The following SGCD variants were observed in gnomAD, a reference collection of about 807,000 sequenced individuals.
SGCD encodes the protein sarcoglycan delta, also known as delta-sarcoglycan.
Under a neutral mutation model 36.6 loss-of-function variants are expected in SGCD, and 18 were observed. The observed-to-expected ratio is 0.49, with a 90% CI of 0.34 to 0.73. The LOEUF (loss-of-function observed/expected upper bound fraction) is 0.73, where lower values mean the gene tolerates loss of function less well. Among genes scored for constraint, SGCD ranks in the 30% least tolerant of loss-of-function variants. SGCD has a pLI of 0.01. For missense variants in SGCD, 387 were observed against 346.7 expected, an observed-to-expected ratio of 1.12 and a Z score of -0.92; for synonymous variants, 133 against 130.6, an observed-to-expected ratio of 1.02 and a Z score of -0.12.
At chr5:155,852,589 T>C in the SGCD span, among the ~76,000 whole-genome samples, 1 of 152,122 alleles carries the variant, frequency 6.6e-6, no homozygotes, top group Non-Finnish European at 1.5e-5. Flanking sequence ...TGGAACAAAT[T>C]TGAATATGAA....
intron 1 of SGCD, among the ~76,000 whole-genome samples, chr5:155,960,142 C>G (rs1757762019): frequency 6.6e-6 from 1 of 152,026 alleles, no homozygotes; most frequent in South Asian, 2.1e-4. Flanking sequence ...TCTCCCTCCC[C>G]TTCCATCTTC....
the SGCD span, among the ~76,000 whole-genome samples, chr5:155,850,930 G>T: frequency 6.6e-6 from 1 of 152,160 alleles, no homozygotes; most frequent in Non-Finnish European, 1.5e-5. Context: ...AACAGATTCT[G>T]ATAAAATTGC....
At chr5:156,174,948 G>T (rs1324474505) in intron 3 of SGCD, among the ~76,000 whole-genome samples, 2 of 152,126 alleles carry the variant, frequency 1.3e-5, no homozygotes, top group Non-Finnish European at 2.9e-5. Context: ...CACTGTCAGT[G>T]GTTTGGGAAT....
intron 2 of SGCD, among the ~76,000 whole-genome samples, chr5:156,120,371 A>G (rs1309013345): frequency 6.6e-6 from 1 of 152,158 alleles, no homozygotes; most frequent in Non-Finnish European, 1.5e-5. Flanking sequence ...AGCACACGCT[A>G]TATCACTACT....
chr5:156,492,809 T>C (rs1691121410), intron 3 of SGCD, among the ~76,000 whole-genome samples: 3 of 152,052 alleles, frequency 2.0e-5, no homozygotes, highest in Admixed American at 1.3e-4. Context: ...TGAGAACATG[T>C]GGTGTTTAGT....
chr5:155,967,406 A>T (rs1170466171), intron 1 of SGCD, among the ~76,000 whole-genome samples: 4 of 152,058 alleles, frequency 2.6e-5, no homozygotes, highest in Non-Finnish European at 5.9e-5. Context: ...CCAGTCTTAA[A>T]TTGCTCCATT....
chr5:156,685,120 A>G (rs543087385), intron 7 of SGCD, among the ~76,000 whole-genome samples: 29 of 152,142 alleles, frequency 1.9e-4, no homozygotes, highest in Non-Finnish European at 3.8e-4. Flanking sequence ...AAAGCAGAAG[A>G]TTAAAAACCC....
intron 3 of SGCD, among the ~76,000 whole-genome samples, chr5:156,166,128 T>A (rs919137440): frequency 6.6e-6 from 1 of 152,206 alleles, no homozygotes; most frequent in Admixed American, 6.5e-5. Flanking sequence ...CAGAGGGCTC[T>A]AGAATTTAAT....
At chr5:156,701,130 C>T (rs1167770936) in intron 7 of SGCD, among the ~76,000 whole-genome samples, 1 of 152,090 alleles carries the variant, frequency 6.6e-6, no homozygotes, top group African/African-American at 2.4e-5. Context: ...CTGTGGACTG[C>T]AGATTTGTAT....
At chr5:156,334,365 G>T (rs577527972) in intron 2 of SGCD, among the ~76,000 whole-genome samples, 1 of 152,322 alleles carries the variant, frequency 6.6e-6, no homozygotes, top group African/African-American at 2.4e-5. Context: ...CATTAAATCT[G>T]CGATCAGATG....
At chr5:156,287,324 A>C (rs953826369) in intron 3 of SGCD, among the ~76,000 whole-genome samples, 1 of 152,168 alleles carries the variant, frequency 6.6e-6, no homozygotes, top group Admixed American at 6.6e-5. Flanking sequence ...GCTCTGATGC[A>C]AACAGCTTTT....
intron 1 of SGCD, among the ~76,000 whole-genome samples, chr5:156,106,528 T>C (rs1581102519): frequency 6.6e-6 from 1 of 152,358 alleles, no homozygotes; most frequent in East Asian, 1.9e-4. Context: ...GACTACATTG[T>C]TCCAACTTGA....
chr5:156,534,156 C>T (rs1047674297), intron 4 of SGCD, among the ~76,000 whole-genome samples: 2 of 149,884 alleles, frequency 1.3e-5, no homozygotes, highest in African/African-American at 2.5e-5. Context: ...TATTTGGATA[C>T]CATCTGTATG....
At chr5:155,849,313 C>A in the SGCD span, among the ~76,000 whole-genome samples, 40 of 152,120 alleles carry the variant, frequency 2.6e-4, 1 homozygote, top group Admixed American at 2.6e-3. Context: ...TATTAATGAG[C>A]TAAAAATGCT....
Position 156,595,156 on chromosome 5 carries a change from A to G in SGCD, c.502+105A>G, listed in dbSNP as rs911964619. 4.6e-6 allele frequency: 6 copies of G among 1,308,912 alleles called. No individual in the cohort carries two copies. In the African/African-American group the frequency reaches 6.0e-5, roughly 13 times the overall value. 81.1% of individuals were successfully genotyped at this position (1,308,912 alleles called of 1,614,324 possible). ...GGATATGTCCTCCCAAAATTCATAT[A>G]TCGAAATCCTAACTCCCAAGATAAT... On this transcript the variant is annotated intron_variant, in intron 6 of 8. Transcript: ENST00000337851.
intron 2 of SGCD, among the ~76,000 whole-genome samples, chr5:156,119,024 A>G (rs1382485111): frequency 6.6e-6 from 1 of 152,138 alleles, no homozygotes; most frequent in Non-Finnish European, 1.5e-5. Context: ...TTTGCAACTG[A>G]GGCTGACCAC....
chr5:156,623,025 T>C (rs1287985477), intron 6 of SGCD, among the ~76,000 whole-genome samples: 1 of 152,142 alleles, frequency 6.6e-6, no homozygotes, highest in Non-Finnish European at 1.5e-5. Context: ...TAGCCACAAA[T>C]ATACATATAT....
intron 3 of SGCD, among the ~76,000 whole-genome samples, chr5:156,321,146 G>A (rs1037977628): frequency 1.5e-4 from 23 of 152,292 alleles, no homozygotes; most frequent in African/African-American, 4.8e-4. Flanking sequence ...ACGGCTGGGC[G>A]CAGTGGCTCA....
At chr5:156,724,344 C>T (rs944211932) in intron 7 of SGCD, among the ~76,000 whole-genome samples, 2 of 152,232 alleles carry the variant, frequency 1.3e-5, no homozygotes, top group Admixed American at 6.5e-5. Context: ...GTGGCTCACG[C>T]CTGTAATCCC....
Sources: gnomAD v4.1 joint callset for allele counts (sites outside exome capture counted in the v4.1 genomes callset) on GRCh38, gnomAD v4.1.1 for gene constraint, MANE v1.5 for transcripts, NCBI Gene and HGNC (gene_info 2026-07-23, HGNC 2026-07-21) for gene names.